The following SYT16 variants were observed in gnomAD, a reference collection of about 807,000 sequenced individuals.
The protein encoded by SYT16 is synaptotagmin-16.
SYT16 carries 42 observed loss-of-function variants against 61.4 expected under a neutral mutation model. That is an observed-to-expected ratio of 0.68 (90% CI 0.53 to 0.89). The LOEUF is 0.89. Ranked by LOEUF, SYT16 falls within the 40% of genes least tolerant of loss-of-function variation. The pLI is 0.00. For missense variants in SYT16, 804 were observed against 807.3 expected (o/e 1.00, Z 0.05); for synonymous variants, 314 against 302.3 (o/e 1.04, Z -0.40).
intron 5 of SYT16, among the ~76,000 whole-genome samples, chr14:62,080,408 C>T (rs2056666209): frequency 6.6e-6 from 1 of 152,186 alleles, no homozygotes; most frequent in South Asian, 2.1e-4. Context: ...CTGTAGAAAG[C>T]TCTTGCCTGT....
At chr14:61,815,129 G>A (rs1191661249) in intron 1 of SYT16, among the ~76,000 whole-genome samples, 1 of 152,188 alleles carries the variant, frequency 6.6e-6, no homozygotes, top group Non-Finnish European at 1.5e-5. Flanking sequence ...CACTCCCAGA[G>A]TTCCTGATTC....
At chr14:62,001,877 T>C (rs996217955) in intron 3 of SYT16, among the ~76,000 whole-genome samples, 1 of 152,226 alleles carries the variant, frequency 6.6e-6, no homozygotes. Flanking sequence ...ACGAAAGCCT[T>C]TTTTATTTTT....
intron 1 of SYT16, among the ~76,000 whole-genome samples, chr14:61,887,915 T>G (rs755741560): frequency 3.3e-5 from 5 of 152,210 alleles, no homozygotes; most frequent in Non-Finnish European, 7.3e-5. Flanking sequence ...TTTAGTTTCC[T>G]TCAAGGACTT....
chr14:62,014,926 A>G (rs1190461502), intron 3 of SYT16, among the ~76,000 whole-genome samples: 3 of 152,158 alleles, frequency 2.0e-5, no homozygotes, highest in Admixed American at 6.5e-5. Context: ...AATACTAAGT[A>G]CACTTTATAC....
chr14:61,888,731 A>C (rs1474070985), intron 1 of SYT16, among the ~76,000 whole-genome samples: 1 of 151,556 alleles, frequency 6.6e-6, no homozygotes, highest in Non-Finnish European at 1.5e-5. Context: ...GTGCTGATAC[A>C]CTTGCGCAAT....
chr14:62,097,448 T>A (rs1402956142), intron 7 of SYT16, among the ~76,000 whole-genome samples: 1 of 152,194 alleles, frequency 6.6e-6, no homozygotes, highest in Non-Finnish European at 1.5e-5. Context: ...CTTTCTCCAT[T>A]CAGTCTGACT....
At chr14:61,950,693 G>A (rs970219924) in intron 1 of SYT16, among the ~76,000 whole-genome samples, 1 of 152,166 alleles carries the variant, frequency 6.6e-6, no homozygotes, top group African/African-American at 2.4e-5. Context: ...ATTAGCAGCT[G>A]ATAATGAAAA....
chr14:61,949,739 T>A (rs919221328), intron 1 of SYT16, among the ~76,000 whole-genome samples: 1 of 152,162 alleles, frequency 6.6e-6, no homozygotes, highest in Non-Finnish European at 1.5e-5. Context: ...ATTCACAACT[T>A]TACAGCATTT....
intron 6 of SYT16, among the ~76,000 whole-genome samples, chr14:62,081,950 C>T (rs1465530435): frequency 6.6e-6 from 1 of 152,136 alleles, no homozygotes; most frequent in Non-Finnish European, 1.5e-5. Context: ...ATGGTATAGG[C>T]AAAGTGGATG....
At chr14:61,920,473 T>C (rs2049288638) in intron 1 of SYT16, among the ~76,000 whole-genome samples, 1 of 152,118 alleles carries the variant, frequency 6.6e-6, no homozygotes, top group Non-Finnish European at 1.5e-5. Context: ...GAACTTGGTT[T>C]TAACCTTTCT....
intron 1 of SYT16, among the ~76,000 whole-genome samples, chr14:61,862,031 A>C (rs1594777767): frequency 6.7e-6 from 1 of 149,744 alleles, no homozygotes; most frequent in Non-Finnish European, 1.5e-5. Context: ...TGTAAAAAAA[A>C]CACACACAAT....
chr14:62,073,406 G>C (rs1207122476), intron 4 of SYT16, among the ~76,000 whole-genome samples: 1 of 152,174 alleles, frequency 6.6e-6, no homozygotes, highest in Non-Finnish European at 1.5e-5. Flanking sequence ...GTGCTAATTA[G>C]AGACTTAGAA....
In SYT16 at chr14:62,106,244, A is replaced by T. The variant is rs867794341; in HGVS notation, c.*5537A>T. 1 of 152,228 alleles carries T rather than the reference A, an allele frequency of 6.6e-6. No individual in the cohort carries two copies. The highest frequency in any genetic ancestry group is 2.1e-4 in the South Asian group (1 of 4,830). 9.4% of individuals were successfully genotyped at this position (152,228 alleles called of 1,614,324 possible). A position where few individuals can be genotyped will look rare whatever the true frequency, so the allele number is the denominator to read the frequency against. ...TTGAAGCAGTTGGTCATCATTATAC[A>T]ATGATGCTTACCAATATACAACTGT... is the stretch of plus-strand genomic sequence containing the variant. On this transcript the variant is annotated 3_prime_UTR_variant, in exon 8 of 8. Coordinates refer to ENST00000683842, the MANE Select transcript of SYT16 (RefSeq NM_001367656.1).
At chr14:61,954,871 T>C (rs1225970186) in intron 1 of SYT16, among the ~76,000 whole-genome samples, 1 of 152,136 alleles carries the variant, frequency 6.6e-6, no homozygotes, top group South Asian at 2.1e-4. Flanking sequence ...AAATGTTGAA[T>C]AATAAAATTG....
In SYT16 at chr14:61,914,478, T is replaced by G. The variant is rs532326532; in HGVS notation, c.-324-55654T>G. 2.6e-5 allele frequency among the ~76,000 whole-genome samples: 4 copies of G among 152,312 alleles called. No homozygotes were observed. In the East Asian group the frequency reaches 7.7e-4, roughly 29 times the overall value. On this transcript the variant is annotated intron_variant, in intron 1 of 7. Coordinates refer to ENST00000683842, the MANE Select transcript of SYT16 (RefSeq NM_001367656.1). ...TCATTTATCCAATCAGCATTTTCAC[T>G]TAAGTGTCCAGTAGGCCTCTCTAAT...
chr14:62,095,618 C>T (rs944995966), intron 7 of SYT16, among the ~76,000 whole-genome samples: 4 of 151,938 alleles, frequency 2.6e-5, no homozygotes, highest in African/African-American at 9.7e-5. Flanking sequence ...CAAACACACA[C>T]ATATCTATAT....
intron 1 of SYT16, among the ~76,000 whole-genome samples, chr14:61,928,123 C>T (rs577306049): frequency 6.6e-6 from 1 of 152,218 alleles, no homozygotes; most frequent in Admixed American, 6.5e-5. Flanking sequence ...TCTGTTGTTG[C>T]ATGTTCAAAC....
intron 3 of SYT16, among the ~76,000 whole-genome samples, chr14:62,048,860 G>T (rs985694152): frequency 6.6e-6 from 1 of 152,152 alleles, no homozygotes; most frequent in Admixed American, 6.5e-5. Flanking sequence ...TATAATTTCT[G>T]TTCTTTACAT....
At chr14:61,958,826 T>C (rs1753798572) in intron 1 of SYT16, among the ~76,000 whole-genome samples, 1 of 152,138 alleles carries the variant, frequency 6.6e-6, no homozygotes, top group Admixed American at 6.5e-5. Flanking sequence ...CTAGATGGTC[T>C]ATACATTATA....
Sources: gnomAD v4.1 joint callset for allele counts (sites outside exome capture counted in the v4.1 genomes callset) on GRCh38, gnomAD v4.1.1 for gene constraint, MANE v1.5 for transcripts, NCBI Gene and HGNC (gene_info 2026-07-23, HGNC 2026-07-21) for gene names.